CAPZB: variants seen among roughly 807,000 people sequenced by gnomAD.
CAPZB encodes F-actin-capping protein subunit beta.
In CAPZB, 2 loss-of-function variants were observed where a neutral mutation model predicts 38.1. That is an observed-to-expected ratio of 0.05 (90% CI 0.02 to 0.17). The LOEUF (loss-of-function observed/expected upper bound fraction) is 0.17, where lower values mean the gene tolerates loss of function less well. CAPZB is among the 10% of genes least tolerant of loss of function. The pLI is 1.00. For missense variants in CAPZB, 161 were observed against 334.2 expected (o/e 0.48, Z 4.04); for synonymous variants, 107 against 127.4 (o/e 0.84, Z 1.08).
chr1:19,422,629 C>T (rs753174342), intron 1 of CAPZB, among the ~76,000 whole-genome samples: 4 of 151,758 alleles, frequency 2.6e-5, no homozygotes, highest in Admixed American at 6.6e-5. Flanking sequence ...TCCAGCAACT[C>T]GGGAGGCTGA....
At chr1:19,472,709 ATTTTTTTTTT>A (rs11334966) in intron 1 of CAPZB, among the ~76,000 whole-genome samples, 4 of 61,166 alleles carry the variant, frequency 6.5e-5, no homozygotes, top group Non-Finnish European at 1.1e-4. Context: ...TTCATTCTTC[ATTTTTTTTTT>A]TTTTTTTTTT....
At chr1:19,427,970 TAGAG>T (rs1429919385) in intron 1 of CAPZB, among the ~76,000 whole-genome samples, 1 of 152,176 alleles carries the variant, frequency 6.6e-6, no homozygotes, top group Admixed American at 6.5e-5. Flanking sequence ...ACTCTGACCA[TAGAG>T]ACAAACACAA....
chr1:19,427,469 C>T (rs1481536321), intron 1 of CAPZB, among the ~76,000 whole-genome samples: 1 of 152,212 alleles, frequency 6.6e-6, no homozygotes, highest in Non-Finnish European at 1.5e-5. Context: ...CATGGTTTGT[C>T]TTGTATAATC....
chr1:19,339,621 C>T lies in CAPZB; in HGVS notation c.732-4G>A, dbSNP rs2093916941. 1 of 1,610,844 alleles carries T rather than the reference C, an allele frequency of 6.2e-7. No individual in the cohort carries two copies. Among genetic ancestry groups the T allele is most frequent in the African/African-American group, 1.3e-5 (1 of 74,884 alleles). Reference sequence around the variant, plus strand: ...GTCTGCAAAAGTCTGCACAGACCTGCAAGGGAGGAAAGGCGTTATCAGCAG... The same window carrying T: ...GTCTGCAAAAGTCTGCACAGACCTGTAAGGGAGGAAAGGCGTTATCAGCAG... On this transcript the variant is annotated splice_polypyrimidine_tract_variant and splice_region_variant and intron_variant, in intron 8 of 8. Coordinates refer to ENST00000264202, the MANE Select transcript of CAPZB (RefSeq NM_004930.5).
At chr1:19,475,083 T>C (rs1181261312) in intron 1 of CAPZB, among the ~76,000 whole-genome samples, 1 of 152,186 alleles carries the variant, frequency 6.6e-6, no homozygotes, top group African/African-American at 2.4e-5. Flanking sequence ...CCGGCTCTAA[T>C]AACACACTAC....
chr1:19,441,509 T>G (rs1457569462), intron 1 of CAPZB, among the ~76,000 whole-genome samples: 2 of 152,140 alleles, frequency 1.3e-5, no homozygotes, highest in Non-Finnish European at 2.9e-5. Flanking sequence ...CTTCATTTAC[T>G]GAGTACCTAC....
chr1:19,432,910 T>C (rs2094447104), intron 1 of CAPZB, among the ~76,000 whole-genome samples: 1 of 152,244 alleles, frequency 6.6e-6, no homozygotes, highest in African/African-American at 2.4e-5. Context: ...GAACAAATTA[T>C]GGACAATGTC....
At chr1:19,354,667 C>A (rs899835209) in intron 6 of CAPZB, among the ~76,000 whole-genome samples, 1 of 152,240 alleles carries the variant, frequency 6.6e-6, no homozygotes, top group Admixed American at 6.5e-5. Flanking sequence ...CAAGCCGGAA[C>A]CAGACTCTGG....
intron 1 of CAPZB, among the ~76,000 whole-genome samples, chr1:19,432,607 C>A (rs1366004686): frequency 6.6e-6 from 1 of 152,188 alleles, no homozygotes; most frequent in Non-Finnish European, 1.5e-5. Context: ...CCGGCATGGG[C>A]CAGGCGCTGC....
chr1:19,415,669 G>A (rs987383607), intron 2 of CAPZB, among the ~76,000 whole-genome samples: 1 of 152,202 alleles, frequency 6.6e-6, no homozygotes, highest in Non-Finnish European at 1.5e-5. Context: ...TCAAAGCCAG[G>A]CCATCAATCA....
chr1:19,351,807 G>A (rs1343561125), intron 6 of CAPZB, among the ~76,000 whole-genome samples: 2 of 152,138 alleles, frequency 1.3e-5, no homozygotes, highest in East Asian at 1.9e-4. Flanking sequence ...CAGAAAACCT[G>A]AGCAGGGTCC....
intron 4 of CAPZB, among the ~76,000 whole-genome samples, chr1:19,363,517 C>T (rs905430519): frequency 5.3e-5 from 8 of 151,888 alleles, no homozygotes; most frequent in Admixed American, 2.0e-4. Context: ...ATTCTATGTC[C>T]GTAACTTTTC....
chr1:19,440,192 C>T (rs959162753), intron 1 of CAPZB, among the ~76,000 whole-genome samples: 3 of 152,022 alleles, frequency 2.0e-5, no homozygotes, highest in African/African-American at 7.3e-5. Context: ...TGCATACCAC[C>T]ATGTCTGGTT....
At chr1:19,372,426 G>T (rs1198261874) in intron 4 of CAPZB, among the ~76,000 whole-genome samples, 2 of 152,200 alleles carry the variant, frequency 1.3e-5, no homozygotes, top group Non-Finnish European at 2.9e-5. Context: ...AGAACCCGGG[G>T]CCGACACAGG....
chr1:19,372,191 C>T lies in CAPZB; in HGVS notation c.329+6349G>A, dbSNP rs1330779882. On this transcript the variant is annotated intron_variant, in intron 4 of 8. Transcript: ENST00000264202. ...ACCCTCCCACCCTGCTCCTCCACTC[C>T]CCAGACTCTGGCCTTCATTAGGCTT... 2.0e-5 allele frequency among the ~76,000 whole-genome samples: 3 copies of T among 152,262 alleles called. No individual in the cohort carries two copies. The East Asian group carries it at 5.8e-4, about 29-fold the overall frequency.
chr1:19,451,702 T>C (rs2094516668), intron 1 of CAPZB, among the ~76,000 whole-genome samples: 1 of 151,848 alleles, frequency 6.6e-6, no homozygotes, highest in Non-Finnish European at 1.5e-5. Context: ...GTGATCACTT[T>C]CCACATGGAC....
At chr1:19,393,512 G>A (rs1465736667) in intron 2 of CAPZB, among the ~76,000 whole-genome samples, 2 of 152,222 alleles carry the variant, frequency 1.3e-5, no homozygotes, top group South Asian at 2.1e-4. Flanking sequence ...TGCTGGCCCC[G>A]GCTGTCCCAG....
chr1:19,368,680 T>TTA (rs1553271253), intron 4 of CAPZB, among the ~76,000 whole-genome samples: 9 of 136,018 alleles, frequency 6.6e-5, no homozygotes, highest in South Asian at 4.8e-4. Context: ...TTTTTTTTTT[T>TTA]AATTAGACAT....
chr1:19,436,879 A>C (rs563949847), intron 1 of CAPZB, among the ~76,000 whole-genome samples: 1 of 152,370 alleles, frequency 6.6e-6, no homozygotes, highest in African/African-American at 2.4e-5. Flanking sequence ...GCCTTCTGCC[A>C]ACCTCCAGAA....
Sources: allele counts gnomAD v4.1 joint callset (sites outside exome capture counted in the v4.1 genomes callset), GRCh38; gene constraint gnomAD v4.1.1; transcripts MANE v1.5; gene names NCBI Gene and HGNC (gene_info 2026-07-23, HGNC 2026-07-21).